The following MKLN1 variants were observed in gnomAD, a reference collection of about 807,000 sequenced individuals.
The protein encoded by MKLN1 is muskelin 1, also known as muskelin.
In MKLN1, 18 loss-of-function variants were observed where a neutral mutation model predicts 99.0. That is an observed-to-expected ratio of 0.18 (90% CI 0.13 to 0.27). The LOEUF is 0.27. Among genes scored for constraint, MKLN1 ranks in the 10% least tolerant of loss-of-function variants. The pLI, the probability that MKLN1 is intolerant of heterozygous loss-of-function variation, is 1.00. For synonymous variants in MKLN1, 288 were observed against 293.2 expected, an observed-to-expected ratio of 0.98 and a Z score of 0.18; for missense variants, 621 against 875.9, an observed-to-expected ratio of 0.71 and a Z score of 3.67.
At chr7:131,416,074 G>C (rs1795008304) in intron 8 of MKLN1, among the ~76,000 whole-genome samples, 1 of 152,138 alleles carries the variant, frequency 6.6e-6, no homozygotes, top group Non-Finnish European at 1.5e-5. Flanking sequence ...TGTATTACAG[G>C]TGTGAGCTAC....
chr7:131,221,082 C>T (rs1338543688), intron 3 of MKLN1, among the ~76,000 whole-genome samples: 2 of 152,158 alleles, frequency 1.3e-5, no homozygotes, highest in African/African-American at 4.8e-5. Flanking sequence ...TTGCAGCAAA[C>T]CTTTATCTGC....
chr7:131,117,655 GA>G (rs1270725003), intron 1 of MKLN1, among the ~76,000 whole-genome samples: 1 of 152,132 alleles, frequency 6.6e-6, no homozygotes, highest in African/African-American at 2.4e-5. Context: ...TTTTTGGTCT[GA>G]AAAACATTAT....
intron 2 of MKLN1, among the ~76,000 whole-genome samples, chr7:131,167,070 T>G (rs1796136793): frequency 6.6e-6 from 1 of 152,090 alleles, no homozygotes; most frequent in Non-Finnish European, 1.5e-5. Flanking sequence ...ATCCCCTCTC[T>G]CCAGTTTCCT....
At chr7:131,163,963 T>C (rs995938685) in intron 2 of MKLN1, among the ~76,000 whole-genome samples, 2 of 152,166 alleles carry the variant, frequency 1.3e-5, no homozygotes, top group Non-Finnish European at 2.9e-5. Flanking sequence ...TTTTCCAAGT[T>C]GGGAAGGCAG....
intron 2 of MKLN1, among the ~76,000 whole-genome samples, chr7:131,197,142 A>G (rs976121917): frequency 1.3e-5 from 2 of 152,204 alleles, no homozygotes; most frequent in Admixed American, 1.3e-4. Context: ...TGTTCTTCCA[A>G]AATAGTGCAT....
chr7:131,485,344 C>G (rs1797242529), intron 17 of MKLN1, among the ~76,000 whole-genome samples: 1 of 151,982 alleles, frequency 6.6e-6, no homozygotes, highest in African/African-American at 2.4e-5. Flanking sequence ...AGAAACAGCT[C>G]TTCTTTACAA....
intron 1 of MKLN1, among the ~76,000 whole-genome samples, chr7:131,348,542 T>A (rs1799628025): frequency 6.6e-6 from 1 of 151,780 alleles, no homozygotes; most frequent in Non-Finnish European, 1.5e-5. Flanking sequence ...TTTTTTTTTT[T>A]AAAGACAGGG....
chr7:131,174,005 G>A (rs866153999), intron 2 of MKLN1, among the ~76,000 whole-genome samples: 8 of 134,840 alleles, frequency 5.9e-5, no homozygotes, highest in African/African-American at 2.0e-4. Context: ...CGGGAGTCTC[G>A]GTCTGTCACC....
At chr7:131,287,666 G>T (rs1798153131) in intron 3 of MKLN1, among the ~76,000 whole-genome samples, 1 of 151,880 alleles carries the variant, frequency 6.6e-6, no homozygotes, top group South Asian at 2.1e-4. Context: ...GGCGGGGGAG[G>T]GGGAGGAGAA....
chr7:131,157,697 T>C (rs892556820), intron 2 of MKLN1, among the ~76,000 whole-genome samples: 1 of 152,134 alleles, frequency 6.6e-6, no homozygotes, highest in Admixed American at 6.6e-5. Context: ...AAAAGGATAA[T>C]ACATTACCCG....
rs933330576 is a variant in MKLN1 at position 131,161,896 on chromosome 7, T to C, written c.-297+18955T>C. On this transcript the variant is annotated intron_variant, in intron 2 of 7. Coordinates refer to the MKLN1 transcript ENST00000416992. ...CTGATTAGTAACTCTGAACACATTGTTTTTTTCACTATTTTAATAGTATGT... is the reference window on the plus strand; with the variant it reads ...CTGATTAGTAACTCTGAACACATTGCTTTTTTCACTATTTTAATAGTATGT... Among the ~76,000 whole-genome samples the C allele has an allele frequency of 2.7e-5, 4 of 150,654 alleles. No individual in the cohort carries two copies. In the East Asian group the frequency reaches 7.8e-4, roughly 29 times the overall value.
At chr7:131,411,257 A>C in intron 6 of MKLN1, 49 bp from the exon 7 acceptor site, 1 of 1,124,924 alleles carries the variant, frequency 8.9e-7, no homozygotes, top group South Asian at 1.4e-5. Flanking sequence ...TATAATAAAT[A>C]ATGTAAGTAG....
At chr7:131,118,382 CAT>C (rs1291521918) in intron 1 of MKLN1, among the ~76,000 whole-genome samples, 25 of 152,144 alleles carry the variant, frequency 1.6e-4, no homozygotes, top group African/African-American at 5.5e-4. Context: ...GGTGAAACCC[CAT>C]CTCTACTAAA....
At chr7:131,295,391 C>T (rs941305930) in intron 3 of MKLN1, among the ~76,000 whole-genome samples, 1 of 152,016 alleles carries the variant, frequency 6.6e-6, no homozygotes, top group Non-Finnish European at 1.5e-5. Context: ...CATTTAAAAC[C>T]TTTATATGGT....
intron 9 of MKLN1, among the ~76,000 whole-genome samples, chr7:131,432,607 C>T (rs181687620): frequency 1.1e-4 from 16 of 152,224 alleles, no homozygotes; most frequent in African/African-American, 3.6e-4. Context: ...GCCACCACGC[C>T]TGGCTAATTT....
At chr7:131,175,002 G>C (rs547079005) in intron 2 of MKLN1, among the ~76,000 whole-genome samples, 16 of 150,426 alleles carry the variant, frequency 1.1e-4, no homozygotes, top group Admixed American at 3.3e-4. Flanking sequence ...TAGATAGATA[G>C]ATAGATAGGG....
chr7:131,308,542 T>C (rs1486630470), intron 3 of MKLN1, among the ~76,000 whole-genome samples: 1 of 151,814 alleles, frequency 6.6e-6, no homozygotes, highest in African/African-American at 2.4e-5. Flanking sequence ...ATTACAGGCA[T>C]GGGCTACCGC....
chr7:131,422,957 C>T (rs1471534355), intron 8 of MKLN1, among the ~76,000 whole-genome samples: 5 of 152,166 alleles, frequency 3.3e-5, no homozygotes, highest in African/African-American at 1.2e-4. Flanking sequence ...TACCTGGCAC[C>T]TCTCCACTTA....
intron 10 of MKLN1, among the ~76,000 whole-genome samples, chr7:131,438,950 T>G (rs1050086135): frequency 6.6e-6 from 1 of 152,186 alleles, no homozygotes; most frequent in Non-Finnish European, 1.5e-5. Flanking sequence ...TTGCCATATT[T>G]CTATTAACAT....
Sources: gnomAD v4.1 joint callset for allele counts (sites outside exome capture counted in the v4.1 genomes callset) on GRCh38, gnomAD v4.1.1 for gene constraint, MANE v1.5 for transcripts, NCBI Gene and HGNC (gene_info 2026-07-23, HGNC 2026-07-21) for gene names.